Variants in GFRA1 observed in about 807,000 individuals in gnomAD.
The protein encoded by GFRA1 is GDNF family receptor alpha 1, also known as GDNF family receptor alpha-1.
Under a neutral mutation model 51.6 loss-of-function variants are expected in GFRA1, and 16 were observed. The ratio of observed to expected loss-of-function variants is 0.31; its 90% CI spans 0.21 to 0.47. GFRA1 has a LOEUF of 0.47. GFRA1 is among the 20% of genes least tolerant of loss of function. GFRA1 has a pLI of 1.00. For synonymous variants in GFRA1, 270 were observed against 241.3 expected (o/e 1.12, Z -1.10); for missense variants, 530 against 594.3 (o/e 0.89, Z 1.13).
chr10:116,235,573 G>A (rs1966858013), intron 4 of GFRA1, among the ~76,000 whole-genome samples: 2 of 152,032 alleles, frequency 1.3e-5, no homozygotes, highest in South Asian at 4.2e-4. Context: ...GTGGGGGGTG[G>A]TCCACCATAA....
chr10:116,083,157 A>G (rs1309510344), intron 9 of GFRA1, among the ~76,000 whole-genome samples: 1 of 152,234 alleles, frequency 6.6e-6, no homozygotes, highest in Non-Finnish European at 1.5e-5. Context: ...CCGGAAAACC[A>G]ACTCTTAAAC....
chr10:116,085,113 C>CT (rs940756128), intron 9 of GFRA1, among the ~76,000 whole-genome samples: 5 of 152,096 alleles, frequency 3.3e-5, no homozygotes, highest in Admixed American at 2.6e-4. Context: ...ATCAACTTTC[C>CT]TTTTTTAAAG....
intron 6 of GFRA1, among the ~76,000 whole-genome samples, chr10:116,097,986 G>A (rs1054739160): frequency 2.0e-5 from 3 of 152,168 alleles, no homozygotes; most frequent in Non-Finnish European, 2.9e-5. Flanking sequence ...AAGACCTGAT[G>A]GAATTATCCA....
At chr10:116,262,283 CTG>C (rs1308657832) in intron 4 of GFRA1, among the ~76,000 whole-genome samples, 3 of 152,172 alleles carry the variant, frequency 2.0e-5, no homozygotes, top group South Asian at 2.1e-4. Flanking sequence ...ATTTAACTGT[CTG>C]TACCTTCACA....
intron 5 of GFRA1, among the ~76,000 whole-genome samples, chr10:116,145,314 T>C (rs993269856): frequency 4.6e-5 from 7 of 151,720 alleles, no homozygotes; most frequent in Non-Finnish European, 1.0e-4. Context: ...TATGAATCAA[T>C]ATGAAGGAGA....
Position 116,272,171 on chromosome 10 carries a change from G to A in GFRA1, c.-142C>T. 1.3e-6 allele frequency: 1 copy of A among 772,946 alleles called. No homozygotes were observed. The highest frequency in any genetic ancestry group is 2.2e-6 in the Non-Finnish European group (1 of 456,378). 47.9% of individuals were successfully genotyped at this position (772,946 alleles called of 1,614,324 possible). On this transcript the variant is annotated 5_prime_UTR_variant, in exon 2 of 11. Coordinates refer to ENST00000355422, the MANE Select transcript of GFRA1 (RefSeq NM_005264.8). This position sits in a 1 kb window ranked among gnomAD's most constrained non-coding sequence, Gnocchi z 4.4. ...CAAAGTTCAGCTCCATCCAGTGAAA[G>A]AGGAAACTCCGGGTCTGGCAGCAGC...
intron 8 of GFRA1, among the ~76,000 whole-genome samples, chr10:116,093,271 TA>T (rs1956428971): frequency 6.6e-6 from 1 of 152,254 alleles, no homozygotes; most frequent in African/African-American, 2.4e-5. Flanking sequence ...TATCCCCATC[TA>T]ATTTGTCTGA....
chr10:116,144,270 G>A (rs1052297543), intron 5 of GFRA1, among the ~76,000 whole-genome samples: 3 of 149,588 alleles, frequency 2.0e-5, no homozygotes, highest in Non-Finnish European at 4.4e-5. Context: ...GTTATAACAA[G>A]TATGTTTCAA....
chr10:116,135,849 C>T (rs976410699), intron 5 of GFRA1, among the ~76,000 whole-genome samples: 3 of 152,118 alleles, frequency 2.0e-5, no homozygotes, highest in African/African-American at 7.2e-5. Context: ...CAGTCTAAGA[C>T]AGGCCATTTT....
At position 116,099,848 on chromosome 10, in the gene GFRA1, T is replaced by G. The variant is rs1421153689; in HGVS notation, c.771-3084A>C. ...ATGGCCGCTAAAACAATACCTAGCATGAATGAAGTGTTCAGTACATGTTAG... is the reference window on the plus strand; with the variant it reads ...ATGGCCGCTAAAACAATACCTAGCAGGAATGAAGTGTTCAGTACATGTTAG... On this transcript the variant is annotated intron_variant, in intron 6 of 10. Transcript: ENST00000355422. Among the ~76,000 whole-genome samples, 3 of 152,266 alleles carry G rather than the reference T, an allele frequency of 2.0e-5. No homozygotes were observed. In the East Asian group the frequency reaches 5.8e-4, roughly 29 times the overall value.
intron 4 of GFRA1, among the ~76,000 whole-genome samples, chr10:116,251,403 C>T (rs188873111): frequency 6.9e-4 from 105 of 152,244 alleles, no homozygotes; most frequent in East Asian, 2.7e-3. Flanking sequence ...GCACATCTGG[C>T]GTAAGAGTGG....
At chr10:116,121,659 A>G (rs915254369) in intron 6 of GFRA1, among the ~76,000 whole-genome samples, 3 of 152,206 alleles carry the variant, frequency 2.0e-5, no homozygotes, top group Non-Finnish European at 4.4e-5. Context: ...GCTGATGTTA[A>G]GATGGAAATG....
intron 5 of GFRA1, among the ~76,000 whole-genome samples, chr10:116,196,233 C>A (rs554781854): frequency 2.5e-4 from 37 of 149,888 alleles, no homozygotes; most frequent in African/African-American, 8.6e-4. Flanking sequence ...CTTACACCTG[C>A]AATCCCAGCA....
At chr10:116,194,338 G>A (rs1469185747) in intron 5 of GFRA1, among the ~76,000 whole-genome samples, 4 of 152,150 alleles carry the variant, frequency 2.6e-5, no homozygotes, top group Non-Finnish European at 5.9e-5. Flanking sequence ...GCCATTTCCA[G>A]TGAATCATTC....
intron 5 of GFRA1, among the ~76,000 whole-genome samples, chr10:116,156,686 T>C (rs1222260835): frequency 6.6e-6 from 1 of 152,252 alleles, no homozygotes; most frequent in Admixed American, 6.5e-5. Flanking sequence ...TAAATCATGT[T>C]AACCATCTGT....
intron 5 of GFRA1, among the ~76,000 whole-genome samples, chr10:116,150,648 T>C (rs1488622684): frequency 1.3e-5 from 2 of 152,244 alleles, no homozygotes; most frequent in African/African-American, 4.8e-5. Flanking sequence ...TCTAGTATAT[T>C]GACTTTGGAA....
intron 9 of GFRA1, among the ~76,000 whole-genome samples, chr10:116,073,806 A>C (rs1955505992): frequency 6.6e-6 from 1 of 152,144 alleles, no homozygotes; most frequent in Non-Finnish European, 1.5e-5. Context: ...TGTGCAGCTG[A>C]GTGCGGCCCC....
At chr10:116,266,668 C>A (rs996535431) in intron 4 of GFRA1, among the ~76,000 whole-genome samples, 1 of 152,186 alleles carries the variant, frequency 6.6e-6, no homozygotes, top group African/African-American at 2.4e-5. Context: ...AACTCCAGAT[C>A]ATACTTGCTG....
intron 8 of GFRA1, among the ~76,000 whole-genome samples, chr10:116,092,589 C>T (rs78421190): frequency 0.012 from 1,898 of 152,148 alleles, 29 homozygotes; most frequent in Non-Finnish European, 0.016. Context: ...AAGTTCAGGC[C>T]TATGTTCTCA....
Sources: allele counts gnomAD v4.1 joint callset (sites outside exome capture counted in the v4.1 genomes callset), GRCh38; gene constraint gnomAD v4.1.1; non-coding constraint Gnocchi (gnomAD v3.1); transcripts MANE v1.5; gene names NCBI Gene and HGNC (gene_info 2026-07-23, HGNC 2026-07-21).